The following SPAG6 variants were observed in gnomAD, a reference collection of about 807,000 sequenced individuals.
SPAG6 encodes the protein sperm associated antigen 6, also known as sperm-associated antigen 6.
SPAG6 carries 49 observed loss-of-function variants against 58.5 expected under a neutral mutation model. That is an observed-to-expected ratio of 0.84 (90% CI 0.67 to 1.06). SPAG6 has a LOEUF of 1.06. SPAG6 is among the 50% of genes least tolerant of loss of function. The pLI, the probability that SPAG6 is intolerant of heterozygous loss-of-function variation, is 0.00. For missense variants in SPAG6, 560 were observed against 611.3 expected, an observed-to-expected ratio of 0.92 and a Z score of 0.89; for synonymous variants, 233 against 225.6, an observed-to-expected ratio of 1.03 and a Z score of -0.29.
chr10:22,353,026 A>G (rs1326523029), intron 2 of SPAG6, among the ~76,000 whole-genome samples: 1 of 152,140 alleles, frequency 6.6e-6, no homozygotes, highest in Non-Finnish European at 1.5e-5. Context: ...CCTTCCCACT[A>G]CATAGGGGAG....
intron 9 of SPAG6, among the ~76,000 whole-genome samples, chr10:22,407,488 A>G (rs1401041081): frequency 1.3e-5 from 2 of 152,092 alleles, no homozygotes; most frequent in Admixed American, 1.3e-4. Flanking sequence ...TGGCTTATAG[A>G]GTTTCTGCCG....
At chr10:22,394,884 CT>C (rs1432441122) in intron 8 of SPAG6, among the ~76,000 whole-genome samples, 1 of 151,816 alleles carries the variant, frequency 6.6e-6, no homozygotes, top group African/African-American at 2.4e-5. Flanking sequence ...TTAATTTTTT[CT>C]TTTTTTGGAG....
chr10:22,346,498 T>TC (rs1554776433), intron 2 of SPAG6, among the ~76,000 whole-genome samples: 78 of 76,934 alleles, frequency 1.0e-3, no homozygotes, highest in Admixed American at 2.4e-3. Context: ...TTCTTCTTCT[T>TC]TCTTCTTCTT....
chr10:22,397,559 A>G (rs1331687566), intron 8 of SPAG6, among the ~76,000 whole-genome samples: 2 of 152,134 alleles, frequency 1.3e-5, no homozygotes, highest in Non-Finnish European at 2.9e-5. Flanking sequence ...CAAATGATCC[A>G]CCTGCCTCGG....
rs61851700 is a variant in SPAG6, at chr10:22,403,949, C to G, written c.1314+2672C>G. Among the ~76,000 whole-genome samples the G allele has an allele frequency of 1.9e-3, 290 of 149,604 alleles. 1 individual carries two copies. The highest frequency in any genetic ancestry group is 6.9e-3 in the Middle Eastern group (2 of 288). On this transcript the variant is annotated intron_variant, in intron 9 of 10. Transcript: ENST00000376624. ...AAATGTCTTCTTTTGAGAAGTGTCT[C>G]TTCATGTCCTTCGCCCACTTTTTGA...
rs147649231 is a variant in SPAG6, at chr10:22,371,108, A to G, written c.472+2430A>G. Among the ~76,000 whole-genome samples, 834 of 152,268 alleles carry G rather than the reference A, an allele frequency of 5.5e-3. 6 individuals are homozygous for G. The highest frequency in any genetic ancestry group is 0.018 in the African/African-American group (762 of 41,540). On this transcript the variant is annotated intron_variant, in intron 4 of 10. Transcript: ENST00000376624. ...TTCCACTGTAATTTCAATATTTCAC[A>G]GTAGTTAGGGGCCTGGGACCCAGAA...
At chr10:22,414,966 A>T (rs1307743439) in intron 10 of SPAG6, among the ~76,000 whole-genome samples, 3 of 152,090 alleles carry the variant, frequency 2.0e-5, no homozygotes, top group Non-Finnish European at 2.9e-5. Flanking sequence ...AGGTTTCGCC[A>T]TGTTGGTCAG....
intron 9 of SPAG6, among the ~76,000 whole-genome samples, chr10:22,405,191 G>A (rs528561115): frequency 0.011 from 1,612 of 151,822 alleles, 27 homozygotes; most frequent in African/African-American, 0.036. Context: ...GGAGTGGTGA[G>A]AGAGGGCATC....
At chr10:22,386,633 G>C in intron 4 of SPAG6, 121 bp from the exon 5 acceptor site, 2 of 722,388 alleles carry the variant, frequency 2.8e-6, no homozygotes, top group South Asian at 3.3e-5. Context: ...TTGAAATGCA[G>C]ATGTTGAGAG....
intron 2 of SPAG6, among the ~76,000 whole-genome samples, chr10:22,350,343 A>G (rs938596431): frequency 6.6e-6 from 1 of 152,184 alleles, no homozygotes; most frequent in Non-Finnish European, 1.5e-5. Flanking sequence ...CTGTTCCTAC[A>G]TGGACATTGA....
At position 22,364,835 on chromosome 10, in the gene SPAG6, T is replaced by A; in HGVS notation, c.122-18T>A. 1 of 1,584,830 alleles carries A rather than the reference T, an allele frequency of 6.3e-7. No individual in the cohort carries two copies. The highest frequency in any genetic ancestry group is 8.6e-7 in the Non-Finnish European group (1 of 1,164,628). Reference sequence around the variant, plus strand: ...ATTTAAATTTTCCTGATTTCTGTTCTTTCATAATTTAACTCAGGTGTAATG... The same window carrying A: ...ATTTAAATTTTCCTGATTTCTGTTCATTCATAATTTAACTCAGGTGTAATG... On this transcript the variant is annotated intron_variant, in intron 2 of 10. Coordinates refer to ENST00000376624, the MANE Select transcript of SPAG6 (RefSeq NM_012443.4).
intron 2 of SPAG6, among the ~76,000 whole-genome samples, chr10:22,351,812 A>G (rs912252017): frequency 1.3e-5 from 2 of 152,128 alleles, no homozygotes; most frequent in Admixed American, 6.5e-5. Flanking sequence ...ATTTTCCCAT[A>G]TGATCCATGC....
intron 8 of SPAG6, among the ~76,000 whole-genome samples, chr10:22,393,566 G>C (rs1415339504): frequency 6.6e-6 from 1 of 152,032 alleles, no homozygotes; most frequent in African/African-American, 2.4e-5. Flanking sequence ...GTGTTTTTAG[G>C]TTAACTAATA....
chr10:22,403,279 C>G (rs968574219), intron 9 of SPAG6, among the ~76,000 whole-genome samples: 2 of 152,126 alleles, frequency 1.3e-5, no homozygotes, highest in South Asian at 2.1e-4. Context: ...TGCTATCCCT[C>G]CCCCCAACCC....
intron 6 of SPAG6, 131 bp from the exon 7 acceptor site, chr10:22,389,029 A>G: frequency 1.5e-6 from 1 of 674,732 alleles, no homozygotes; most frequent in Non-Finnish European, 2.4e-6. Flanking sequence ...TAATAAATAT[A>G]ATAATTTCAC....
intron 7 of SPAG6, among the ~76,000 whole-genome samples, chr10:22,390,396 G>A (rs886756321): frequency 6.6e-6 from 1 of 152,046 alleles, no homozygotes; most frequent in African/African-American, 2.4e-5. Flanking sequence ...CCCTTCTTTG[G>A]TCTAAGGTTG....
At chr10:22,414,739 A>C (rs760719388) in intron 10 of SPAG6, among the ~76,000 whole-genome samples, 13 of 152,164 alleles carry the variant, frequency 8.5e-5, no homozygotes, top group Admixed American at 2.0e-4. Context: ...TATGTAATCT[A>C]AATACAGACA....
chr10:22,389,988 C>T (rs141997913), intron 7 of SPAG6, among the ~76,000 whole-genome samples: 97 of 152,260 alleles, frequency 6.4e-4, no homozygotes, highest in African/African-American at 2.1e-3. Context: ...TGTGTGCTTA[C>T]AGTGTGTGCG....
At chr10:22,413,330 G>A (rs995054665) in intron 10 of SPAG6, among the ~76,000 whole-genome samples, 4 of 151,954 alleles carry the variant, frequency 2.6e-5, no homozygotes, top group Non-Finnish European at 5.9e-5. Context: ...TCAGGAGATC[G>A]AGACCGTCCT....
Sources: gnomAD v4.1 joint callset for allele counts (sites outside exome capture counted in the v4.1 genomes callset) on GRCh38, gnomAD v4.1.1 for gene constraint, MANE v1.5 for transcripts, NCBI Gene and HGNC (gene_info 2026-07-23, HGNC 2026-07-21) for gene names.